Variants in CSE1L observed in about 807,000 individuals in gnomAD.
CSE1L encodes chromosome segregation 1 like.
CSE1L carries 24 observed loss-of-function variants against 120.4 expected under a neutral mutation model. That is an observed-to-expected ratio of 0.20 (90% CI 0.14 to 0.28). CSE1L has a LOEUF of 0.28. CSE1L is among the 10% of genes least tolerant of loss of function. CSE1L has a pLI of 1.00. For synonymous variants in CSE1L, 402 were observed against 398.3 expected, an observed-to-expected ratio of 1.01 and a Z score of -0.11; for missense variants, 830 against 1,145.2, an observed-to-expected ratio of 0.72 and a Z score of 3.97.
In CSE1L at chr20:49,091,000, C is replaced by T. The variant is rs2092097314; in HGVS notation, c.2343C>T (p.Ser781=). The T allele has an allele frequency of 6.2e-7, 1 of 1,606,148 alleles. No individual in the cohort carries two copies. ...FILLFQRLQN[S]KTTKFIKSFL... is the part of the protein sequence containing the mutation. ...TGCTATTCCAGAGACTTCAGAATTC[C>T]AAAACAACCAAGTTTATCAAGAGTA... Residue 781 remains serine (S), a synonymous_variant, in exon 21 of 25, where the codon TCC becomes TCT. Coordinates refer to ENST00000262982, the MANE Select transcript of CSE1L (RefSeq NM_001316.4).
intron 22 of CSE1L, 99 bp from the exon 23 acceptor site, chr20:49,094,041 T>C: frequency 1.3e-6 from 1 of 766,238 alleles, no homozygotes; most frequent in African/African-American, 1.8e-5. Flanking sequence ...TGTTATTTAG[T>C]AATTTATCAT....
chr20:49,052,201 TA>T (rs1305578336), intron 1 of CSE1L, among the ~76,000 whole-genome samples: 6 of 152,208 alleles, frequency 3.9e-5, no homozygotes, highest in African/African-American at 1.4e-4. Flanking sequence ...TGTTGTGACT[TA>T]TCCTTTAGTT....
Position 49,063,327 on chromosome 20 carries a change from A to G in CSE1L, c.211A>G (p.Lys71Glu). The change falls in exon 3 of 25, where the codon AAA becomes GAA. Residue 71 changes from lysine (K) to glutamate (E), a missense_variant. Around this residue, in one of 4 missense-constraint regions of CSE1L, gnomAD observed 543 missense variants for 640.2 expected, o/e 0.85. Transcript: ENST00000262982. Reference protein sequence around the residue: ...CASVTFKNYIKRNWRIVEDEP... With the variant: ...CASVTFKNYIERNWRIVEDEP... ...TTCAGTAACATTCAAAAACTATATT[A>G]AAAGGAACTGGAGAATTGTAAGTAT... The G allele has an allele frequency of 6.7e-7, 1 of 1,502,636 alleles. No homozygotes were observed. Among genetic ancestry groups the G allele is most frequent in the Non-Finnish European group, 9.0e-7 (1 of 1,112,098 alleles). The allele number at this position is 1,502,636 out of a possible 1,614,324, so 93.1% of individuals were successfully genotyped here.
intron 17 of CSE1L, 90 bp from the exon 18 acceptor site, chr20:49,089,157 A>T (rs570460409): frequency 5.3e-6 from 6 of 1,137,526 alleles, no homozygotes; most frequent in Admixed American, 3.4e-5. Context: ...TTTGATTTTT[A>T]AAAAATAAGA....
chr20:49,096,632 G>C lies in CSE1L; in HGVS notation c.*194G>C, dbSNP rs990981438. On this transcript the variant is annotated 3_prime_UTR_variant, in exon 25 of 25. Transcript: ENST00000262982. ...GTTTGTGTGATCATACAGTTATGTG[G>C]GTGGCTTCTAGTTTGCAACTTCAAG... 7 of 595,538 alleles carry C rather than the reference G, an allele frequency of 1.2e-5. No homozygotes were observed. Among genetic ancestry groups the C allele is most frequent in the Non-Finnish European group, 2.1e-5 (7 of 335,854 alleles). The allele number at this position is 595,538 out of a possible 1,614,324, so 36.9% of individuals were successfully genotyped here.
At chr20:49,069,310 A>G (rs1054827682) in intron 7 of CSE1L, among the ~76,000 whole-genome samples, 1 of 152,230 alleles carries the variant, frequency 6.6e-6, no homozygotes, top group African/African-American at 2.4e-5. Context: ...AAACATAGCC[A>G]CAGGGCTATA....
intron 3 of CSE1L, among the ~76,000 whole-genome samples, 175 bp from the exon 4 acceptor site, chr20:49,066,017 T>G (rs2091889551): frequency 1.3e-5 from 2 of 152,238 alleles, no homozygotes; most frequent in South Asian, 2.1e-4. Context: ...GTCATCAGAT[T>G]ATTGAAGGAA....
intron 17 of CSE1L, 48 bp downstream of exon 17, chr20:49,088,154 A>G (rs1568786045): frequency 2.3e-6 from 3 of 1,298,408 alleles, no homozygotes; most frequent in Non-Finnish European, 2.2e-6. Context: ...ATTTGCTCCA[A>G]ACTGTTTGGG....
chr20:49,078,972 A>G (rs1317622771), intron 14 of CSE1L, among the ~76,000 whole-genome samples: 1 of 152,008 alleles, frequency 6.6e-6, no homozygotes, highest in Non-Finnish European at 1.5e-5. Flanking sequence ...GCTCACTGCA[A>G]CCTCTACCTC....
intron 1 of CSE1L, among the ~76,000 whole-genome samples, chr20:49,053,347 CTTTTTTTTTTTT>C (rs11419181): frequency 1.1e-3 from 70 of 63,760 alleles, no homozygotes; most frequent in African/African-American, 4.9e-3. Context: ...AGCAAACTAA[CTTTTTTTTTTTT>C]TTTTTTTTTT....
At chr20:49,080,010 G>C (rs1278294733) in intron 14 of CSE1L, among the ~76,000 whole-genome samples, 1 of 152,132 alleles carries the variant, frequency 6.6e-6, no homozygotes, top group Non-Finnish European at 1.5e-5. Flanking sequence ...GGAGGCGAAG[G>C]TTGCAGTGAG....
chr20:49,083,974 C>A, intron 14 of CSE1L, 52 bp from the exon 15 acceptor site: 1 of 1,538,864 alleles, frequency 6.5e-7, no homozygotes, highest in South Asian at 1.2e-5. Context: ...TTGTCTTTTA[C>A]TCAAATATGG....
At chr20:49,089,805 G>C in intron 19 of CSE1L, 59 bp downstream of exon 19, 1 of 1,494,996 alleles carries the variant, frequency 6.7e-7, no homozygotes, top group Non-Finnish European at 9.2e-7. Flanking sequence ...AACTGGGGAT[G>C]GCAGATGTTT....
At chr20:49,053,166 T>G (rs1042289265) in intron 1 of CSE1L, among the ~76,000 whole-genome samples, 3 of 117,262 alleles carry the variant, frequency 2.6e-5, no homozygotes, top group Non-Finnish European at 5.3e-5. Flanking sequence ...TTTTTTTTTT[T>G]TTTTTAAAGA....
intron 6 of CSE1L, 106 bp from the exon 7 acceptor site, chr20:49,068,609 A>G: frequency 1.3e-6 from 1 of 765,544 alleles, no homozygotes; most frequent in Non-Finnish European, 2.2e-6. Context: ...AAAAAAATAA[A>G]TAAGTAAAAT....
Position 49,096,529 on chromosome 20 carries a change from C to G in CSE1L, c.*91C>G. On this transcript the variant is annotated 3_prime_UTR_variant, in exon 25 of 25. Transcript: ENST00000262982. Reference sequence around the variant, plus strand: ...CTGCATTAAAACAAAGGAAGTTCTCCTTTTGAACTTGTCACGAATTCCATC... The same window carrying G: ...CTGCATTAAAACAAAGGAAGTTCTCGTTTTGAACTTGTCACGAATTCCATC... 1.1e-6 allele frequency: 1 copy of G among 944,404 alleles called. No homozygotes were observed. Among genetic ancestry groups the G allele is most frequent in the South Asian group, 1.4e-5 (1 of 71,644 alleles). 58.5% of individuals were successfully genotyped at this position (944,404 alleles called of 1,614,324 possible).
At chr20:49,068,665 A>G in intron 6 of CSE1L, 50 bp from the exon 7 acceptor site, 1 of 1,187,476 alleles carries the variant, frequency 8.4e-7, no homozygotes, top group South Asian at 1.2e-5. Context: ...TAAGATCAGC[A>G]TGCTGGGTTT....
Position 49,066,244 on chromosome 20 carries a change from C to T in CSE1L, c.281C>T (p.Ala94Val), listed in dbSNP as rs377396767. 1 of 1,614,036 alleles carries T rather than the reference C, an allele frequency of 6.2e-7. No individual in the cohort carries two copies. The highest frequency in any genetic ancestry group is 1.7e-5 in the Admixed American group (1 of 59,994). The change falls in exon 4 of 25, where the codon GCC becomes GTC. Residue 94 changes from alanine (A) to valine (V), a missense_variant. Physicochemically the swap from Ala to Val is moderately conservative, Grantham distance 64 (BLOSUM62 0). Around this residue, in one of 4 missense-constraint regions of CSE1L, gnomAD observed 543 missense variants for 640.2 expected, o/e 0.85. Coordinates refer to ENST00000262982, the MANE Select transcript of CSE1L (RefSeq NM_001316.4). ...GAAGCCGATCGAGTGGCCATTAAAG[C>T]CAACATAGTGCACTTGATGCTTAGC... is the stretch of plus-strand genomic sequence containing the variant. ...ICEADRVAIK[A>V]NIVHLMLSSP...
chr20:49,087,022 TATGCTTGGC>T (rs112253135), intron 16 of CSE1L, among the ~76,000 whole-genome samples: 2,318 of 152,358 alleles, frequency 0.015, 66 homozygotes, highest in South Asian at 0.084. Context: ...TTCTGTCCTT[TATGCTTGGC>T]ATGTATTTGG....
Sources: allele counts gnomAD v4.1 joint callset (sites outside exome capture counted in the v4.1 genomes callset), GRCh38; gene constraint gnomAD v4.1.1; regional missense constraint gnomAD v4.1.1; transcripts MANE v1.5; gene names NCBI Gene and HGNC (gene_info 2026-07-23, HGNC 2026-07-21).